ZNF423: variants seen among roughly 807,000 people sequenced by gnomAD.
The protein encoded by ZNF423 is Ebf-associated zinc finger protein.
ZNF423 carries 12 observed loss-of-function variants against 95.8 expected under a neutral mutation model. That is an observed-to-expected ratio of 0.13 (90% CI 0.08 to 0.20). The LOEUF is 0.20. ZNF423 is among the 10% of genes least tolerant of loss of function. The probability of loss-of-function intolerance (pLI) is 1.00; values close to 1 mark genes in which losing one functional copy is unlikely to be tolerated. For missense variants in ZNF423, 1,316 were observed against 1,737.1 expected (o/e 0.76, Z 4.31); for synonymous variants, 749 against 711.9 (o/e 1.05, Z -0.83).
At chr16:49,651,847 G>A (rs918055434) in intron 3 of ZNF423, among the ~76,000 whole-genome samples, 1 of 152,192 alleles carries the variant, frequency 6.6e-6, no homozygotes, top group African/African-American at 2.4e-5. Context: ...ACAAGACACA[G>A]TGTCACCTCC....
chr16:49,590,520 T>C (rs544644279), intron 5 of ZNF423, among the ~76,000 whole-genome samples: 1 of 152,254 alleles, frequency 6.6e-6, no homozygotes, highest in Admixed American at 6.5e-5. Context: ...CACACACTCA[T>C]TATCACCCAG....
intron 1 of ZNF423, among the ~76,000 whole-genome samples, chr16:49,830,106 G>A (rs1044357493): frequency 6.6e-6 from 1 of 152,178 alleles, no homozygotes; most frequent in Non-Finnish European, 1.5e-5. Context: ...GCAAGAGAGA[G>A]ACAGTAACAG....
intron 2 of ZNF423, among the ~76,000 whole-genome samples, chr16:49,784,914 C>T (rs1422879191): frequency 6.7e-6 from 1 of 148,996 alleles, no homozygotes; most frequent in Non-Finnish European, 1.5e-5. Context: ...CATGCCACCC[C>T]ACTCCAGCCT....
intron 1 of ZNF423, among the ~76,000 whole-genome samples, chr16:49,827,234 C>G (rs2035014298): frequency 6.6e-6 from 1 of 152,154 alleles, no homozygotes; most frequent in African/African-American, 2.4e-5. Flanking sequence ...CAGCCTCCAG[C>G]CACAGAGCAG....
chr16:49,762,993 G>C (rs1272534293), intron 2 of ZNF423, among the ~76,000 whole-genome samples: 1 of 151,976 alleles, frequency 6.6e-6, no homozygotes, highest in Non-Finnish European at 1.5e-5. Context: ...TCAGCCTCCT[G>C]AGTAGCTGGG....
At chr16:49,824,444 T>A (rs2034984204) in intron 1 of ZNF423, among the ~76,000 whole-genome samples, 1 of 151,992 alleles carries the variant, frequency 6.6e-6, no homozygotes, top group South Asian at 2.1e-4. Flanking sequence ...CAACTTCCAA[T>A]CATGCCAATA....
intron 5 of ZNF423, among the ~76,000 whole-genome samples, chr16:49,564,685 G>A (rs578030249): frequency 1.9e-4 from 29 of 152,308 alleles, no homozygotes; most frequent in African/African-American, 6.0e-4. Context: ...TGGTGGCACT[G>A]AGCTCCTGGA....
chr16:49,518,103 C>T (rs910160857), intron 7 of ZNF423: 16 of 440,142 alleles, frequency 3.6e-5, no homozygotes, highest in African/African-American at 3.2e-4. Context: ...AAGTTCATTG[C>T]AAGCCCTATT....
At chr16:49,557,384 C>T (rs1343765837) in intron 5 of ZNF423, among the ~76,000 whole-genome samples, 2 of 152,174 alleles carry the variant, frequency 1.3e-5, no homozygotes, top group African/African-American at 2.4e-5. Context: ...AACAAGCCAG[C>T]GACAGTGGAG....
At chr16:49,672,601 G>A (rs981192610) in intron 3 of ZNF423, among the ~76,000 whole-genome samples, 3 of 152,160 alleles carry the variant, frequency 2.0e-5, no homozygotes, top group African/African-American at 7.2e-5. Context: ...TGGATCACCT[G>A]AGGTCAGGAG....
intron 5 of ZNF423, among the ~76,000 whole-genome samples, chr16:49,597,266 G>T (rs563034861): frequency 1.3e-5 from 2 of 152,166 alleles, no homozygotes; most frequent in Non-Finnish European, 2.9e-5. Flanking sequence ...GGGGAGGAGG[G>T]TCTCCTACCT....
chr16:49,558,836 T>C (rs1281316837), intron 5 of ZNF423, among the ~76,000 whole-genome samples: 1 of 152,258 alleles, frequency 6.6e-6, no homozygotes, highest in Non-Finnish European at 1.5e-5. Context: ...TTCTGCCCTT[T>C]CCTGAATAGT....
chr16:49,814,304 G>A (rs577068823), intron 1 of ZNF423, among the ~76,000 whole-genome samples: 28 of 152,152 alleles, frequency 1.8e-4, no homozygotes, highest in African/African-American at 4.1e-4. Flanking sequence ...TGACATCCCC[G>A]ACATGTCCTG....
intron 3 of ZNF423, among the ~76,000 whole-genome samples, chr16:49,662,231 C>T (rs2030274697): frequency 6.6e-6 from 1 of 152,174 alleles, no homozygotes; most frequent in African/African-American, 2.4e-5. Context: ...CCCAAAAAGT[C>T]CTTAAATCCC....
intron 2 of ZNF423, among the ~76,000 whole-genome samples, chr16:49,788,267 G>C (rs902880127): frequency 6.6e-6 from 1 of 152,214 alleles, no homozygotes; most frequent in Non-Finnish European, 1.5e-5. Flanking sequence ...GCTCCTGCTG[G>C]AAAGGACACG....
Position 49,794,937 on chromosome 16 carries a change from G to A in ZNF423, c.41-5391C>T, listed in dbSNP as rs1333665775. 2.0e-5 allele frequency among the ~76,000 whole-genome samples: 3 copies of A among 152,156 alleles called. No individual in the cohort carries two copies. The East Asian group carries it at 5.8e-4, about 29-fold the overall frequency. ...TTGTCACCCAGGCTGGGGTACAATA[G>A]TGTGATCTCAGCTCACTGCAACCTC... On this transcript the variant is annotated intron_variant, in intron 1 of 7. Transcript: ENST00000563137.
At chr16:49,668,953 C>A (rs2030672173) in intron 3 of ZNF423, among the ~76,000 whole-genome samples, 2 of 152,188 alleles carry the variant, frequency 1.3e-5, no homozygotes, top group African/African-American at 2.4e-5. Flanking sequence ...AGGGACGTTT[C>A]TAGCTCAGTG....
At position 49,489,443 on chromosome 16, in the gene ZNF423, T is replaced by G. The variant is rs973624269; in HGVS notation, c.*1832A>C. The G allele has an allele frequency of 3.3e-5, 5 of 152,216 alleles. No homozygotes were observed. The highest frequency in any genetic ancestry group is 1.2e-4 in the African/African-American group (5 of 41,450). The allele number at this position is 152,216 out of a possible 1,614,324, so 9.4% of individuals were successfully genotyped here. ...TCTCCAGGAGGCTGAAAATTGGCAT[T>G]CACAGCCTTCAGTTTCCAGGAGGCA... On this transcript the variant is annotated 3_prime_UTR_variant, in exon 8 of 8. Transcript: ENST00000563137.
intron 2 of ZNF423, among the ~76,000 whole-genome samples, chr16:49,776,496 C>G (rs1000337382): frequency 1.3e-5 from 2 of 152,224 alleles, no homozygotes; most frequent in Non-Finnish European, 2.9e-5. Context: ...CAGCATTACC[C>G]AGGCTCCAAG....
Sources: gnomAD v4.1 joint callset for allele counts (sites outside exome capture counted in the v4.1 genomes callset) on GRCh38, gnomAD v4.1.1 for gene constraint, MANE v1.5 for transcripts, NCBI Gene and HGNC (gene_info 2026-07-23, HGNC 2026-07-21) for gene names.